The following CATSPERE variants were observed in gnomAD, a reference collection of about 807,000 sequenced individuals.
The protein encoded by CATSPERE is catsper channel auxiliary subunit epsilon, also known as cation channel sperm-associated auxiliary subunit epsilon.
Under a neutral mutation model 114.1 loss-of-function variants are expected in CATSPERE, and 93 were observed. The ratio of observed to expected loss-of-function variants is 0.81; its 90% CI spans 0.69 to 0.97. CATSPERE has a LOEUF of 0.97. Ranked by LOEUF, CATSPERE falls within the 50% of genes least tolerant of loss-of-function variation. The probability of loss-of-function intolerance (pLI) is 0.00; values close to 1 mark genes in which losing one functional copy is unlikely to be tolerated. For synonymous variants in CATSPERE, 341 were observed against 384.1 expected, an observed-to-expected ratio of 0.89 and a Z score of 1.31; for missense variants, 1,058 against 1,131.6, an observed-to-expected ratio of 0.93 and a Z score of 0.93.
upstream of CATSPERE, among the ~76,000 whole-genome samples, chr1:244,453,076 C>T (rs1665771117): frequency 6.6e-6 from 1 of 150,384 alleles, no homozygotes; most frequent in South Asian, 2.1e-4. Context: ...CTGCTATTAA[C>T]TAACTAAGTG....
chr1:244,587,954 GGAGGCA>G (rs1667222771), intron 13 of CATSPERE, among the ~76,000 whole-genome samples: 2 of 152,172 alleles, frequency 1.3e-5, no homozygotes, highest in African/African-American at 4.8e-5. Flanking sequence ...CAGCACTTTG[GGAGGCA>G]GAGGCAGGTG....
intron 5 of CATSPERE, among the ~76,000 whole-genome samples, chr1:244,480,590 C>A (rs1017278548): frequency 1.3e-5 from 2 of 152,242 alleles, no homozygotes; most frequent in African/African-American, 4.8e-5. Context: ...ATACACGATC[C>A]AGGCAGAACC....
Position 244,593,483 on chromosome 1 carries a change from AGTT to A in CATSPERE, c.2224-15_2224-13del. ...ACCAAATATATAAAATCACTAAAGT[AGTT>A]TTCCTTTTCTAGAGAGTAAGGTATA... On this transcript the variant is annotated splice_polypyrimidine_tract_variant and intron_variant, in intron 16 of 21. Transcript: ENST00000366534. 1 of 1,613,476 alleles carries A rather than the reference AGTT, an allele frequency of 6.2e-7. No homozygotes were observed. The highest frequency in any genetic ancestry group is 1.3e-5 in the African/African-American group (1 of 75,040).
chr1:244,453,504 T>C (rs182343594), upstream of CATSPERE, among the ~76,000 whole-genome samples: 25 of 152,316 alleles, frequency 1.6e-4, no homozygotes, highest in Non-Finnish European at 2.9e-5. Context: ...CGGTTACAAA[T>C]TTGGGGGCTT....
At chr1:244,625,010 ATCAACT>A (rs1441372171) in intron 20 of CATSPERE, among the ~76,000 whole-genome samples, 1 of 152,084 alleles carries the variant, frequency 6.6e-6, no homozygotes, top group Non-Finnish European at 1.5e-5. Context: ...GAGGGTTAGA[ATCAACT>A]TCTTCCAAAC....
intron 20 of CATSPERE, among the ~76,000 whole-genome samples, chr1:244,624,898 T>C (rs1672907722): frequency 6.6e-6 from 1 of 152,182 alleles, no homozygotes; most frequent in Non-Finnish European, 1.5e-5. Flanking sequence ...GCAATTCAGT[T>C]CCATCTTCAG....
chr1:244,460,358 C>G (rs928090346), upstream of CATSPERE, among the ~76,000 whole-genome samples: 4 of 152,164 alleles, frequency 2.6e-5, no homozygotes, highest in Non-Finnish European at 5.9e-5. Flanking sequence ...CTTGATGGAT[C>G]AGCTGGCACC....
chr1:244,555,979 G>A (rs977177845), intron 9 of CATSPERE, among the ~76,000 whole-genome samples: 1 of 152,126 alleles, frequency 6.6e-6, no homozygotes, highest in African/African-American at 2.4e-5. Flanking sequence ...ATTGCTAAAA[G>A]CCAGGAGTTT....
intron 2 of CATSPERE, among the ~76,000 whole-genome samples, chr1:244,464,209 G>A (rs1459318435): frequency 6.6e-6 from 1 of 152,132 alleles, no homozygotes; most frequent in Non-Finnish European, 1.5e-5. Flanking sequence ...ATATAGGTAG[G>A]ATAACCATTC....
chr1:244,460,597 A>T (rs181192250), upstream of CATSPERE, among the ~76,000 whole-genome samples: 63 of 152,378 alleles, frequency 4.1e-4, no homozygotes, highest in Middle Eastern at 3.4e-3. Flanking sequence ...ATAAATAAAT[A>T]AATTAATTAA....
intron 20 of CATSPERE, among the ~76,000 whole-genome samples, chr1:244,623,072 T>TTATTTATG (rs1186086058): frequency 6.6e-6 from 1 of 151,238 alleles, no homozygotes. Context: ...ATTTATTTAT[T>TTATTTATG]TATTTATTTA....
intron 18 of CATSPERE, among the ~76,000 whole-genome samples, chr1:244,609,693 CTG>C (rs550612210): frequency 7.9e-5 from 12 of 152,126 alleles, no homozygotes; most frequent in Non-Finnish European, 1.6e-4. Context: ...AAACATAAAA[CTG>C]TCATATTCGC....
intron 2 of CATSPERE, among the ~76,000 whole-genome samples, chr1:244,472,152 G>T (rs965819281): frequency 6.6e-6 from 1 of 152,054 alleles, no homozygotes; most frequent in Admixed American, 6.6e-5. Flanking sequence ...TTAGAGACAA[G>T]GTCTTACTAT....
intron 19 of CATSPERE, among the ~76,000 whole-genome samples, chr1:244,614,815 T>C (rs1671170556): frequency 6.6e-6 from 1 of 152,178 alleles, no homozygotes; most frequent in South Asian, 2.1e-4. Flanking sequence ...TTAAAATTAA[T>C]TTTTTTATTT....
chr1:244,461,576 C>G, intron 1 of CATSPERE, 82 bp downstream of exon 1: 1 of 1,165,118 alleles, frequency 8.6e-7, no homozygotes, highest in East Asian at 3.2e-5. Context: ...GCTCTCCACC[C>G]CATGCGCCTC....
intron 17 of CATSPERE, chr1:244,598,357 A>T (rs906236216): frequency 1.3e-5 from 2 of 154,220 alleles, no homozygotes; most frequent in African/African-American, 4.8e-5. Context: ...TATTAGATCA[A>T]TGACACTACA....
In CATSPERE at chr1:244,539,728, C is replaced by G. The variant is rs558530181; in HGVS notation, c.537-12594C>G. Reference sequence around the variant, plus strand: ...AGAGTGTATGTGTCGAGGAATTTATCCATTTCTTCTAGATTTTCTAGTTTA... The same window carrying G: ...AGAGTGTATGTGTCGAGGAATTTATGCATTTCTTCTAGATTTTCTAGTTTA... On this transcript the variant is annotated intron_variant, in intron 8 of 21. Coordinates refer to ENST00000366534, the MANE Select transcript of CATSPERE (RefSeq NM_001130957.2). 3.2e-3 allele frequency among the ~76,000 whole-genome samples: 340 copies of G among 106,806 alleles called. 1 individual carries two copies. The highest frequency in any genetic ancestry group is 5.1e-3 in the Non-Finnish European group (258 of 50,434). The allele number at this position is 106,806 out of a possible 152,430, so 70.1% of individuals were successfully genotyped here.
At chr1:244,533,954 T>G (rs1471356664) in intron 8 of CATSPERE, among the ~76,000 whole-genome samples, 2 of 152,244 alleles carry the variant, frequency 1.3e-5, no homozygotes, top group Non-Finnish European at 2.9e-5. Flanking sequence ...CTTGTGTTGA[T>G]GAAATCCCTC....
At chr1:244,617,709 T>C (rs767264868) in intron 20 of CATSPERE, 23 bp downstream of exon 20, 6 of 1,502,358 alleles carry the variant, frequency 4.0e-6, no homozygotes, top group Non-Finnish European at 5.3e-6. Context: ...GTTACTGTAA[T>C]AGTGTTAGCA....
Sources: allele counts gnomAD v4.1 joint callset (sites outside exome capture counted in the v4.1 genomes callset), GRCh38; gene constraint gnomAD v4.1.1; transcripts MANE v1.5; gene names NCBI Gene and HGNC (gene_info 2026-07-23, HGNC 2026-07-21).